DCLK1: variants seen among roughly 807,000 people sequenced by gnomAD.
DCLK1 encodes doublecortin like kinase 1, also known as serine/threonine-protein kinase DCLK1.
DCLK1 carries 16 observed loss-of-function variants against 86.2 expected under a neutral mutation model. That is an observed-to-expected ratio of 0.19 (90% CI 0.13 to 0.28). The LOEUF (loss-of-function observed/expected upper bound fraction) is 0.28. DCLK1 is among the 10% of genes least tolerant of loss of function. The probability of loss-of-function intolerance (pLI) is 1.00; values close to 1 mark genes in which losing one functional copy is unlikely to be tolerated. For synonymous variants in DCLK1, 369 were observed against 370.5 expected (o/e 1.00, Z 0.05); for missense variants, 590 against 940.2 (o/e 0.63, Z 4.87).
At chr13:36,073,257 C>G (rs368154961) in intron 3 of DCLK1, among the ~76,000 whole-genome samples, 1 of 152,178 alleles carries the variant, frequency 6.6e-6, no homozygotes, top group African/African-American at 2.4e-5. Flanking sequence ...CTCCTACGTC[C>G]AGCCCCAGAC....
intron 5 of DCLK1, among the ~76,000 whole-genome samples, chr13:35,866,272 A>T (rs907559780): frequency 5.8e-4 from 88 of 152,332 alleles, no homozygotes; most frequent in African/African-American, 1.8e-3. Flanking sequence ...TTTCAGGTAA[A>T]TATAAGTTAA....
intron 3 of DCLK1, among the ~76,000 whole-genome samples, chr13:36,105,314 T>G (rs749436794): frequency 3.3e-5 from 5 of 152,158 alleles, no homozygotes; most frequent in Non-Finnish European, 5.9e-5. Context: ...AAAATATGAT[T>G]TTTTTCCAAA....
At chr13:36,012,039 A>G (rs1361328115) in intron 3 of DCLK1, among the ~76,000 whole-genome samples, 1 of 144,884 alleles carries the variant, frequency 6.9e-6, no homozygotes, top group Non-Finnish European at 1.5e-5. Flanking sequence ...ATCAGAGACT[A>G]GGATTGCAAC....
At chr13:35,803,905 CCTA>C (rs538984506) in intron 15 of DCLK1, among the ~76,000 whole-genome samples, 307 of 152,186 alleles carry the variant, frequency 2.0e-3, no homozygotes, top group Non-Finnish European at 3.1e-3. Flanking sequence ...TATATTCAAG[CCTA>C]TATCTGTCTT....
At chr13:35,850,970 T>C (rs1242015728) in intron 6 of DCLK1, among the ~76,000 whole-genome samples, 1 of 152,174 alleles carries the variant, frequency 6.6e-6, no homozygotes, top group Non-Finnish European at 1.5e-5. Context: ...TGGTTTCGCC[T>C]TATTGGCAAG....
chr13:36,131,537 C>CT (rs2138234603), upstream of DCLK1, among the ~76,000 whole-genome samples: 1 of 152,292 alleles, frequency 6.6e-6, no homozygotes, highest in South Asian at 2.1e-4. Context: ...GTCCTCCTCC[C>CT]TCCCAGCGCC....
chr13:35,845,501 A>G (rs1870112528), intron 6 of DCLK1, among the ~76,000 whole-genome samples: 1 of 152,130 alleles, frequency 6.6e-6, no homozygotes, highest in Non-Finnish European at 1.5e-5. Context: ...TTCCCCTGCA[A>G]ATTAGATCAC....
chr13:36,118,163 T>C (rs1885858600), intron 2 of DCLK1, among the ~76,000 whole-genome samples: 1 of 152,230 alleles, frequency 6.6e-6, no homozygotes, highest in South Asian at 2.1e-4. Flanking sequence ...GTCAGAGTTT[T>C]ACACATGATC....
At chr13:36,099,688 A>G (rs528952588) in intron 3 of DCLK1, among the ~76,000 whole-genome samples, 1 of 152,354 alleles carries the variant, frequency 6.6e-6, no homozygotes, top group African/African-American at 2.4e-5. Flanking sequence ...AAAAAGCTAA[A>G]GCACAATCAT....
intron 3 of DCLK1, among the ~76,000 whole-genome samples, chr13:35,994,314 C>T (rs1303994114): frequency 2.6e-5 from 4 of 152,068 alleles, no homozygotes; most frequent in African/African-American, 4.8e-5. Flanking sequence ...AAAATATAAG[C>T]GTGAAAACAG....
At chr13:35,842,242 A>AG (rs1378176534) in intron 6 of DCLK1, among the ~76,000 whole-genome samples, 13 of 150,660 alleles carry the variant, frequency 8.6e-5, no homozygotes, top group Non-Finnish European at 1.9e-4. Context: ...AAAAAAAAAA[A>AG]AAAAAAAAAA....
chr13:35,848,380 C>T, intron 6 of DCLK1: 1 of 985,004 alleles, frequency 1.0e-6, no homozygotes, highest in Non-Finnish European at 1.2e-6. Flanking sequence ...ATCTCAAAGA[C>T]TATAAATGGT....
At chr13:35,816,863 C>CT (rs2087280060) in intron 11 of DCLK1, among the ~76,000 whole-genome samples, 1 of 152,094 alleles carries the variant, frequency 6.6e-6, no homozygotes, top group Admixed American at 6.5e-5. Flanking sequence ...CTCTGGATAG[C>CT]TACATATCCA....
At chr13:35,895,875 TCTA>T (rs1031138500) in intron 4 of DCLK1, among the ~76,000 whole-genome samples, 1 of 152,046 alleles carries the variant, frequency 6.6e-6, no homozygotes, top group Non-Finnish European at 1.5e-5. Context: ...AACTATTACA[TCTA>T]CTACCAACAA....
chr13:35,920,306 C>A lies in DCLK1; in HGVS notation c.823+27052G>T, dbSNP rs367944016. Among the ~76,000 whole-genome samples, 20 of 152,172 alleles carry A rather than the reference C, an allele frequency of 1.3e-4. No individual in the cohort carries two copies. In the East Asian group the frequency reaches 1.9e-3, roughly 15 times the overall value. On this transcript the variant is annotated intron_variant, in intron 4 of 16. Transcript: ENST00000360631. ...GACACGTATGGAGCATAGCAATGCACATAGCATCACGGAAGGGACTAGCTG... is the reference window on the plus strand; with the variant it reads ...GACACGTATGGAGCATAGCAATGCAAATAGCATCACGGAAGGGACTAGCTG...
At chr13:35,979,861 C>G (rs1879546723) in intron 3 of DCLK1, among the ~76,000 whole-genome samples, 1 of 152,214 alleles carries the variant, frequency 6.6e-6, no homozygotes, top group South Asian at 2.1e-4. Context: ...AGCTCTGGCA[C>G]TAAGTCAGCT....
intron 10 of DCLK1, among the ~76,000 whole-genome samples, chr13:35,825,536 T>G (rs546414238): frequency 1.3e-5 from 2 of 152,194 alleles, no homozygotes; most frequent in East Asian, 3.9e-4. Flanking sequence ...TGCCTAAGCC[T>G]TTGCCATCTT....
intron 4 of DCLK1, among the ~76,000 whole-genome samples, chr13:35,918,892 G>GTGTTTTTTTTTTT (rs780502143): frequency 1.3e-5 from 1 of 76,310 alleles, no homozygotes; most frequent in Non-Finnish European, 2.5e-5. Context: ...TTCTGAGTGT[G>GTGTTTTTTTTTTT]TTTTTTTTTT....
chr13:36,096,908 G>A (rs1408194708), intron 3 of DCLK1, among the ~76,000 whole-genome samples: 1 of 152,112 alleles, frequency 6.6e-6, no homozygotes, highest in African/African-American at 2.4e-5. Flanking sequence ...CCTAAGTCTG[G>A]AGTGAGCTCA....
Sources: gnomAD v4.1 joint callset for allele counts (sites outside exome capture counted in the v4.1 genomes callset) on GRCh38, gnomAD v4.1.1 for gene constraint, MANE v1.5 for transcripts, NCBI Gene and HGNC (gene_info 2026-07-23, HGNC 2026-07-21) for gene names.